Variants in FBXO44 observed in about 807,000 individuals in gnomAD.
FBXO44 encodes F-box protein 44.
Under a neutral mutation model 33.5 loss-of-function variants are expected in FBXO44, and 25 were observed. That is an observed-to-expected ratio of 0.75 (90% CI 0.54 to 1.04). The LOEUF is 1.04. FBXO44 is among the 50% of genes least tolerant of loss of function. The pLI is 0.00. For missense variants in FBXO44, 311 were observed against 344.0 expected (o/e 0.90, Z 0.76); for synonymous variants, 147 against 152.8 (o/e 0.96, Z 0.28).
At chr1:11,660,976 T>C (rs1640145497) in intron 5 of FBXO44, among the ~76,000 whole-genome samples, 154 bp from the exon 6 acceptor site, 1 of 64,304 alleles carries the variant, frequency 1.6e-5, no homozygotes, top group South Asian at 3.4e-4. Context: ...GGTATCTCAC[T>C]CTCTGGTTTG....
intron 5 of FBXO44, among the ~76,000 whole-genome samples, chr1:11,660,017 T>C (rs112008866): frequency 2.1e-4 from 32 of 152,348 alleles, no homozygotes; most frequent in African/African-American, 7.7e-4. Context: ...CCCTGTCCAA[T>C]AGAACTTTCT....
chr1:11,662,305 G>C lies in FBXO44; in HGVS notation c.*1032G>C, dbSNP rs1640232803. The C allele has an allele frequency of 6.6e-6, 1 of 152,316 alleles. No individual in the cohort carries two copies. The highest frequency in any genetic ancestry group is 2.1e-4 in the South Asian group (1 of 4,834). The allele number at this position is 152,316 out of a possible 1,614,324, so 9.4% of individuals were successfully genotyped here. A position where few individuals can be genotyped will look rare whatever the true frequency, so the allele number is the denominator to read the frequency against. On this transcript the variant is annotated 3_prime_UTR_variant, in exon 6 of 6. Coordinates refer to ENST00000251547, the MANE Select transcript of FBXO44 (RefSeq NM_033182.7). ...TGCCCAGTCTAACCTGTGCCCTGTG[G>C]TTTCTGGAAGGAAAGGCAGACTTTA...
chr1:11,658,943 G>T (rs1398018328), intron 5 of FBXO44, 72 bp downstream of exon 5: 10 of 1,575,894 alleles, frequency 6.3e-6, no homozygotes, highest in African/African-American at 2.7e-5. Flanking sequence ...CGGGGCCTAG[G>T]TTCAGATCCA....
At chr1:11,659,535 G>A (rs72638619) in intron 5 of FBXO44, among the ~76,000 whole-genome samples, 10,132 of 152,120 alleles carry the variant, frequency 0.067, 367 homozygotes, top group East Asian at 0.17. Flanking sequence ...TTAGGGACAG[G>A]GTCTCTGTCA....
At position 11,658,413 on chromosome 1, in the gene FBXO44, G is replaced by A; in HGVS notation, c.392+20G>A. On this transcript the variant is annotated intron_variant, in intron 3 of 5. Coordinates refer to ENST00000251547, the MANE Select transcript of FBXO44 (RefSeq NM_033182.7). ...ATATTAGTAAGATCCGGGGACTTGGGGTAGGGGAAAGCCCAAATCAATTTA... is the reference window on the plus strand; with the variant it reads ...ATATTAGTAAGATCCGGGGACTTGGAGTAGGGGAAAGCCCAAATCAATTTA... 1 of 1,613,724 alleles carries A rather than the reference G, an allele frequency of 6.2e-7. No individual in the cohort carries two copies. Among genetic ancestry groups the A allele is most frequent in the Non-Finnish European group, 8.5e-7 (1 of 1,179,916 alleles).
At chr1:11,657,812 A>G (rs137911599) in intron 2 of FBXO44, among the ~76,000 whole-genome samples, 1 of 152,298 alleles carries the variant, frequency 6.6e-6, no homozygotes, top group Non-Finnish European at 1.5e-5. Context: ...CAAAAAAACT[A>G]TACAATAGAG....
Position 11,661,047 on chromosome 1 carries a change from T to C in FBXO44, c.625-83T>C. ...ACCCTCCCACCTCAGCCTCCCAAAG[T>C]ACTGGGATTCCCGGTGTGAGCCGCC... On this transcript the variant is annotated intron_variant, in intron 5 of 5. Transcript: ENST00000251547. This position sits in a 1 kb window ranked among gnomAD's most constrained non-coding sequence, Gnocchi z 4.4. 7.0e-7 allele frequency: 1 copy of C among 1,430,978 alleles called. No individual in the cohort carries two copies. Among genetic ancestry groups the C allele is most frequent in the Non-Finnish European group, 9.6e-7 (1 of 1,043,016 alleles). 88.6% of individuals were successfully genotyped at this position (1,430,978 alleles called of 1,614,324 possible). A position where few individuals can be genotyped will look rare whatever the true frequency, so the allele number is the denominator to read the frequency against.
At position 11,661,022 on chromosome 1, in the gene FBXO44, A is replaced by G; in HGVS notation, c.625-108A>G. On this transcript the variant is annotated intron_variant, in intron 5 of 5. Transcript: ENST00000251547. This position sits in a 1 kb window ranked among gnomAD's most constrained non-coding sequence, Gnocchi z 4.4. ...AGTTGCAAACTCCTGGGCTCAAACA[A>G]CCCTCCCACCTCAGCCTCCCAAAGT... is the stretch of plus-strand genomic sequence containing the variant. 8.4e-7 allele frequency: 1 copy of G among 1,193,494 alleles called. No homozygotes were observed. Among genetic ancestry groups the G allele is most frequent in the Non-Finnish European group, 1.2e-6 (1 of 845,368 alleles). The allele number at this position is 1,193,494 out of a possible 1,614,324, so 73.9% of individuals were successfully genotyped here.
chr1:11,661,068 C>CCGCCACACCCAGCCTGAGT lies in FBXO44; in HGVS notation c.625-60_625-42dup. 6.6e-7 allele frequency: 1 copy of CCGCCACACCCAGCCTGAGT among 1,515,350 alleles called. No homozygotes were observed. Among genetic ancestry groups the CCGCCACACCCAGCCTGAGT allele is most frequent in the East Asian group, 2.3e-5 (1 of 43,754 alleles). The allele number at this position is 1,515,350 out of a possible 1,614,324, so 93.9% of individuals were successfully genotyped here. A position where few individuals can be genotyped will look rare whatever the true frequency, so the allele number is the denominator to read the frequency against. On this transcript the variant is annotated intron_variant, in intron 5 of 5. Transcript: ENST00000251547. This position sits in a 1 kb window ranked among gnomAD's most constrained non-coding sequence, Gnocchi z 4.4. ...AAAGTACTGGGATTCCCGGTGTGAG[C>CCGCCACACCCAGCCTGAGT]CGCCACACCCAGCCTGAGTCAGCTC...
rs1442997354 is a variant in FBXO44, at chr1:11,662,074, G to A, written c.*801G>A. 1 of 152,214 alleles carries A rather than the reference G, an allele frequency of 6.6e-6. No individual in the cohort carries two copies. The highest frequency in any genetic ancestry group is 1.5e-5 in the Non-Finnish European group (1 of 68,076). 9.4% of individuals were successfully genotyped at this position (152,214 alleles called of 1,614,324 possible). A position where few individuals can be genotyped will look rare whatever the true frequency, so the allele number is the denominator to read the frequency against. On this transcript the variant is annotated 3_prime_UTR_variant, in exon 6 of 6. Transcript: ENST00000251547. ...CCTGGATGAGTATGGTAGGGGGTTT[G>A]AAGAATCCCCTGTCCACCTCCCAAA... is the stretch of plus-strand genomic sequence containing the variant.
chr1:11,656,516 CA>C (rs1376323203), intron 2 of FBXO44, among the ~76,000 whole-genome samples: 1 of 150,768 alleles, frequency 6.6e-6, no homozygotes, highest in African/African-American at 2.4e-5. Flanking sequence ...AGCTGGAGTG[CA>C]ATGGTGCGAT....
At chr1:11,660,716 T>A (rs1455831800) in intron 5 of FBXO44, among the ~76,000 whole-genome samples, 2 of 152,200 alleles carry the variant, frequency 1.3e-5, no homozygotes, top group African/African-American at 2.4e-5. Context: ...CCCTTCCTTG[T>A]TCCCCTGCCC....
Position 11,658,402 on chromosome 1 carries a change from C to T in FBXO44, c.392+9C>T, listed in dbSNP as rs375517729. ...TTCGTTACTTCATATTAGTAAGATC[C>T]GGGGACTTGGGGTAGGGGAAAGCCC... On this transcript the variant is annotated intron_variant, in intron 3 of 5. Transcript: ENST00000251547. The T allele has an allele frequency of 3.9e-5, 63 of 1,613,642 alleles. No individual in the cohort carries two copies. In the African/African-American group the frequency reaches 4.5e-4, roughly 12 times the overall value.
intron 5 of FBXO44, 23 bp downstream of exon 5, chr1:11,658,894 G>A (rs1478752149): frequency 2.1e-5 from 34 of 1,601,208 alleles, no homozygotes; most frequent in Non-Finnish European, 2.9e-5. Context: ...GGGGGACGGG[G>A]GCAGAGGCAG....
rs774626576 is a variant in FBXO44 at position 11,658,620 on chromosome 1, C to T, written c.480C>T (p.Val160=). 5.0e-6 allele frequency: 8 copies of T among 1,613,256 alleles called. No individual in the cohort carries two copies. The African/African-American group carries it at 9.3e-5, about 19-fold the overall frequency. ...ATACCACACGGCCGGACATCGAGGTCAAGGACTGGTGAGTGCCTGGGGCGA... is the reference window on the plus strand; with the variant it reads ...ATACCACACGGCCGGACATCGAGGTTAAGGACTGGTGAGTGCCTGGGGCGA... ...LMDTTRPDIE[V]KDWFAARPDC... is the part of the protein sequence containing the mutation. Residue 160 remains valine (V), a synonymous_variant, in exon 4 of 6, where the codon GTC becomes GTT. Coordinates refer to ENST00000251547, the MANE Select transcript of FBXO44 (RefSeq NM_033182.7).
chr1:11,657,784 T>C (rs949785533), intron 2 of FBXO44, among the ~76,000 whole-genome samples: 1 of 151,904 alleles, frequency 6.6e-6, no homozygotes, highest in African/African-American at 2.4e-5. Flanking sequence ...TAAGGGGTTA[T>C]AGGAAAAGAA....
chr1:11,657,726 C>T (rs920327057), intron 2 of FBXO44, among the ~76,000 whole-genome samples: 3 of 149,506 alleles, frequency 2.0e-5, no homozygotes, highest in South Asian at 2.1e-4. Context: ...GGGTGACGAG[C>T]GAAACCCTAT....
In FBXO44 at chr1:11,661,383, C is replaced by A; in HGVS notation, c.*110C>A. On this transcript the variant is annotated 3_prime_UTR_variant, in exon 6 of 6. Transcript: ENST00000251547. The surrounding 1 kb of genome is among the most constrained non-coding windows in gnomAD (Gnocchi z 4.4). ...GGCCAGGTGTCCCCAGACCTCTAAC[C>A]CTTGCCCCTAGCAGCCTCTTCTTTG... 6.7e-7 allele frequency: 1 copy of A among 1,497,098 alleles called. No individual in the cohort carries two copies. The highest frequency in any genetic ancestry group is 9.1e-7 in the Non-Finnish European group (1 of 1,102,108). 92.7% of individuals were successfully genotyped at this position (1,497,098 alleles called of 1,614,324 possible).
At chr1:11,658,094 G>A (rs1212948773) in intron 2 of FBXO44, among the ~76,000 whole-genome samples, 173 bp from the exon 3 acceptor site, 1 of 152,172 alleles carries the variant, frequency 6.6e-6, no homozygotes, top group Non-Finnish European at 1.5e-5. Context: ...CCCTGTGCCT[G>A]CAACACAGGA....
Sources: allele counts gnomAD v4.1 joint callset (sites outside exome capture counted in the v4.1 genomes callset), GRCh38; gene constraint gnomAD v4.1.1; non-coding constraint Gnocchi (gnomAD v3.1); transcripts MANE v1.5; gene names NCBI Gene and HGNC (gene_info 2026-07-23, HGNC 2026-07-21).